The following ZNF503 variants were observed in gnomAD, a reference collection of about 807,000 sequenced individuals.
ZNF503 encodes zinc finger protein 503, also known as NocA-like zinc finger 2.
Under a neutral mutation model 34.4 loss-of-function variants are expected in ZNF503, and 15 were observed. The observed-to-expected ratio is 0.44, with a 90% CI of 0.29 to 0.67. ZNF503 has a LOEUF of 0.67. ZNF503 is among the 30% of genes least tolerant of loss of function. The pLI is 0.13. For missense variants in ZNF503, 1,007 were observed against 926.8 expected (o/e 1.09, Z -1.12); for synonymous variants, 580 against 456.8 (o/e 1.27, Z -3.44).
the ZNF503 span, among the ~76,000 whole-genome samples, chr10:75,329,459 CTCTTTCTTTCTTTCTTTT>C: frequency 1.8e-5 from 1 of 54,778 alleles, no homozygotes; most frequent in African/African-American, 4.3e-5. Context: ...TTCTTTCTTT[CTCTTTCTTTCTTTCTTTT>C]TGTTACAGAC....
At chr10:75,381,457 C>A in the ZNF503 span, among the ~76,000 whole-genome samples, 1 of 152,132 alleles carries the variant, frequency 6.6e-6, no homozygotes, top group African/African-American at 2.4e-5. Context: ...AAGCTCCTAG[C>A]TTTGAATCCC....
chr10:75,324,836 C>G, the ZNF503 span, among the ~76,000 whole-genome samples: 1 of 152,118 alleles, frequency 6.6e-6, no homozygotes, highest in East Asian at 1.9e-4. Context: ...TCCCCTCAGC[C>G]CTAAGCAACT....
the ZNF503 span, among the ~76,000 whole-genome samples, chr10:75,303,369 G>A: frequency 6.6e-6 from 1 of 152,194 alleles, no homozygotes; most frequent in Non-Finnish European, 1.5e-5. Context: ...ACATATAGTT[G>A]GAAAGTGGTT....
downstream of ZNF503, among the ~76,000 whole-genome samples, chr10:75,394,517 A>G (rs567258463): frequency 6.6e-6 from 1 of 152,374 alleles, no homozygotes; most frequent in East Asian, 1.9e-4. Flanking sequence ...TCTTCTGTGT[A>G]AGTACTGTGT....
At chr10:75,381,802 A>ATTTTTTTTT in the ZNF503 span, among the ~76,000 whole-genome samples, 30 of 41,324 alleles carry the variant, frequency 7.3e-4, no homozygotes, top group Non-Finnish European at 7.6e-4. Flanking sequence ...ACAGAACCTA[A>ATTTTTTTTT]TTCTTTTTTT....
chr10:75,316,686 A>T, the ZNF503 span, among the ~76,000 whole-genome samples: 2 of 152,176 alleles, frequency 1.3e-5, no homozygotes, highest in African/African-American at 4.8e-5. Context: ...TAACAAATTT[A>T]AGAAGATAGG....
the ZNF503 span, among the ~76,000 whole-genome samples, chr10:75,340,382 A>G: frequency 1.3e-5 from 2 of 152,200 alleles, no homozygotes; most frequent in African/African-American, 4.8e-5. Flanking sequence ...ATGTTCATAT[A>G]CTTTATCCCA....
the ZNF503 span, among the ~76,000 whole-genome samples, chr10:75,373,874 A>C: frequency 6.6e-6 from 1 of 152,126 alleles, no homozygotes. Flanking sequence ...ACCTCCCTCT[A>C]TCCCCACCCT....
the ZNF503 span, among the ~76,000 whole-genome samples, chr10:75,368,906 A>G: frequency 2.3e-4 from 35 of 152,358 alleles, no homozygotes; most frequent in Non-Finnish European, 2.8e-4. Flanking sequence ...TGGAAACTGA[A>G]CAGCGGATAG....
the ZNF503 span, among the ~76,000 whole-genome samples, chr10:75,297,015 C>T: frequency 1.3e-5 from 2 of 152,194 alleles, no homozygotes; most frequent in Non-Finnish European, 2.9e-5. Context: ...GTTTCTCTCT[C>T]CAGCCTTATC....
At chr10:75,385,788 A>C in the ZNF503 span, among the ~76,000 whole-genome samples, 1 of 152,078 alleles carries the variant, frequency 6.6e-6, no homozygotes, top group Non-Finnish European at 1.5e-5. Context: ...TGGAAAATAC[A>C]ACTGGCAGAA....
At chr10:75,313,675 A>G in the ZNF503 span, among the ~76,000 whole-genome samples, 43 of 152,290 alleles carry the variant, frequency 2.8e-4, no homozygotes, top group African/African-American at 1.0e-3. Flanking sequence ...GGCACTCCAA[A>G]TGCTCTGCAA....
the ZNF503 span, among the ~76,000 whole-genome samples, chr10:75,381,465 C>A: frequency 6.6e-6 from 1 of 152,122 alleles, no homozygotes; most frequent in Non-Finnish European, 1.5e-5. Context: ...AGCTTTGAAT[C>A]CCCCACCTCA....
At chr10:75,369,408 A>G in the ZNF503 span, among the ~76,000 whole-genome samples, 1 of 152,194 alleles carries the variant, frequency 6.6e-6, no homozygotes, top group African/African-American at 2.4e-5. Flanking sequence ...TTCTCGTGAT[A>G]CTAAGTGAGT....
At chr10:75,312,132 A>G in the ZNF503 span, among the ~76,000 whole-genome samples, 13 of 152,146 alleles carry the variant, frequency 8.5e-5, no homozygotes, top group Non-Finnish European at 1.5e-4. Context: ...CCATCTACCC[A>G]GAAGGTGGAG....
the ZNF503 span, among the ~76,000 whole-genome samples, chr10:75,287,563 T>C: frequency 6.6e-6 from 1 of 152,084 alleles, no homozygotes; most frequent in African/African-American, 2.4e-5. Flanking sequence ...CTCCCATACC[T>C]ACTTACCAGG....
the ZNF503 span, among the ~76,000 whole-genome samples, chr10:75,325,066 A>T: frequency 1.3e-5 from 2 of 152,144 alleles, no homozygotes; most frequent in Admixed American, 1.3e-4. Context: ...ATTCATGTAC[A>T]TGTTTTTGAG....
At chr10:75,304,576 T>C in the ZNF503 span, among the ~76,000 whole-genome samples, 1 of 152,256 alleles carries the variant, frequency 6.6e-6, no homozygotes, top group African/African-American at 2.4e-5. Context: ...ATCAGTTGTG[T>C]ATGTTCCTAA....
At chr10:75,281,797 G>A in the ZNF503 span, among the ~76,000 whole-genome samples, 1 of 152,220 alleles carries the variant, frequency 6.6e-6, no homozygotes, top group African/African-American at 2.4e-5. Context: ...TAGATCCATA[G>A]ACCCGGGTCC....
Sources: allele counts gnomAD v4.1 joint callset (sites outside exome capture counted in the v4.1 genomes callset), GRCh38; gene constraint gnomAD v4.1.1; transcripts MANE v1.5; gene names NCBI Gene and HGNC (gene_info 2026-07-23, HGNC 2026-07-21).